Variants in KCNAB1 observed in about 807,000 individuals in gnomAD.
KCNAB1 encodes the protein voltage-gated potassium channel subunit beta-1.
A neutral mutation model predicts 64.6 loss-of-function variants in KCNAB1; 35 were observed. The observed-to-expected ratio is 0.54, with a 90% CI of 0.41 to 0.72. KCNAB1 has a LOEUF of 0.72. Ranked by LOEUF, KCNAB1 falls within the 30% of genes least tolerant of loss-of-function variation. KCNAB1 has a pLI of 0.00. For missense variants in KCNAB1, 401 were observed against 512.9 expected (o/e 0.78, Z 2.11); for synonymous variants, 177 against 183.8 (o/e 0.96, Z 0.30).
chr3:156,476,543 ACACG>A (rs942886006), intron 8 of KCNAB1, among the ~76,000 whole-genome samples: 18 of 145,728 alleles, frequency 1.2e-4, no homozygotes, highest in Admixed American at 4.1e-4. Context: ...ACACACACAC[ACACG>A]CACACACACA....
intron 2 of KCNAB1, among the ~76,000 whole-genome samples, chr3:156,439,506 C>T (rs1716845879): frequency 1.3e-5 from 2 of 152,220 alleles, no homozygotes; most frequent in African/African-American, 4.8e-5. Context: ...CAGCCCTGTC[C>T]TTGCCAAGCG....
chr3:156,283,524 T>C (rs1229937239), intron 1 of KCNAB1, among the ~76,000 whole-genome samples: 8 of 150,844 alleles, frequency 5.3e-5, no homozygotes, highest in African/African-American at 1.2e-4. Flanking sequence ...CCTTGCTAGA[T>C]TGGGGAAGTT....
chr3:156,336,555 T>A (rs77025276), intron 1 of KCNAB1, among the ~76,000 whole-genome samples: 1,692 of 152,334 alleles, frequency 0.011, 38 homozygotes, highest in African/African-American at 0.039. Flanking sequence ...ATGTTCAGAA[T>A]GGCATGGATT....
chr3:156,433,646 T>G (rs948346696), intron 2 of KCNAB1, among the ~76,000 whole-genome samples: 2 of 152,170 alleles, frequency 1.3e-5, no homozygotes, highest in African/African-American at 4.8e-5. Context: ...CCACCTCTTT[T>G]GGGGGAGTAG....
rs149617886 is a variant in KCNAB1, at chr3:156,131,138, G to A, written c.275+10252G>A. 3.3e-4 allele frequency among the ~76,000 whole-genome samples: 51 copies of A among 152,316 alleles called. 1 individual carries two copies. The highest frequency in any genetic ancestry group is 3.4e-3 in the Middle Eastern group (1 of 294). ...TGTAGACTGTGGTTGTCACTGAATGGCATGTGCTAATGTCCTGCCAGGGAT... is the reference window on the plus strand; with the variant it reads ...TGTAGACTGTGGTTGTCACTGAATGACATGTGCTAATGTCCTGCCAGGGAT... On this transcript the variant is annotated intron_variant, in intron 1 of 13. Coordinates refer to ENST00000490337, the MANE Select transcript of KCNAB1 (RefSeq NM_172160.3).
chr3:156,281,212 A>G (rs1276927409), intron 1 of KCNAB1, among the ~76,000 whole-genome samples: 10 of 148,158 alleles, frequency 6.7e-5, no homozygotes, highest in Non-Finnish European at 1.5e-4. Context: ...TTCTGCATCT[A>G]TTGAGATAAT....
rs1718779883 is a variant in KCNAB1, at chr3:156,267,352, C to T, written c.275+146466C>T. On this transcript the variant is annotated intron_variant, in intron 1 of 13. Coordinates refer to ENST00000490337, the MANE Select transcript of KCNAB1 (RefSeq NM_172160.3). ...TCCTCCTGGTCTTCCTGCTTTGAGT[C>T]TTTTACACTCCCTGGCCACCCTATG... 2.0e-5 allele frequency among the ~76,000 whole-genome samples: 3 copies of T among 152,130 alleles called. No homozygotes were observed. In the South Asian group the frequency reaches 6.2e-4, roughly 32 times the overall value.
chr3:156,263,641 A>G (rs1718545355), intron 1 of KCNAB1, among the ~76,000 whole-genome samples: 1 of 152,074 alleles, frequency 6.6e-6, no homozygotes, highest in Non-Finnish European at 1.5e-5. Flanking sequence ...TTCAGAATCC[A>G]CCAGGGATTG....
chr3:156,283,482 C>T (rs1468776112), intron 1 of KCNAB1, among the ~76,000 whole-genome samples: 2 of 148,690 alleles, frequency 1.3e-5, no homozygotes, highest in Admixed American at 6.7e-5. Flanking sequence ...TTGTGGCGTT[C>T]TCTGTATTTC....
intron 8 of KCNAB1, among the ~76,000 whole-genome samples, chr3:156,504,108 C>G (rs2108372759): frequency 6.6e-6 from 1 of 152,266 alleles, no homozygotes; most frequent in Middle Eastern, 3.4e-3. Context: ...CTTTTCTCTG[C>G]TTCTATGAGA....
intron 8 of KCNAB1, among the ~76,000 whole-genome samples, chr3:156,479,289 T>C (rs1048506386): frequency 6.6e-6 from 1 of 152,120 alleles, no homozygotes; most frequent in Non-Finnish European, 1.5e-5. Context: ...CACAAATCCC[T>C]AACCTGTATT....
intron 1 of KCNAB1, among the ~76,000 whole-genome samples, chr3:156,340,104 A>G (rs1723995647): frequency 1.3e-5 from 2 of 152,216 alleles, no homozygotes; most frequent in African/African-American, 4.8e-5. Context: ...TAGTAGCAGA[A>G]GCATTTCTGA....
At chr3:156,346,967 G>A (rs1576755165) in intron 1 of KCNAB1, among the ~76,000 whole-genome samples, 1 of 136,510 alleles carries the variant, frequency 7.3e-6, no homozygotes, top group South Asian at 2.3e-4. Context: ...TACTGAGATA[G>A]TCAAAGAGAT....
At chr3:156,183,792 C>T (rs1365401324) in intron 1 of KCNAB1, among the ~76,000 whole-genome samples, 2 of 152,222 alleles carry the variant, frequency 1.3e-5, no homozygotes, top group South Asian at 2.1e-4. Context: ...CATAATTATA[C>T]ATGCCATCTG....
intron 1 of KCNAB1, among the ~76,000 whole-genome samples, chr3:156,212,628 C>G (rs1415290768): frequency 6.6e-6 from 1 of 152,120 alleles, no homozygotes; most frequent in African/African-American, 2.4e-5. Flanking sequence ...ACTTCTGACT[C>G]CTAGAGTTTA....
At chr3:156,461,249 C>T (rs1400516558) in intron 5 of KCNAB1, among the ~76,000 whole-genome samples, 1 of 152,162 alleles carries the variant, frequency 6.6e-6, no homozygotes, top group Non-Finnish European at 1.5e-5. Context: ...TTTCTGGAGG[C>T]CAGAAATCCA....
intron 1 of KCNAB1, among the ~76,000 whole-genome samples, chr3:156,206,488 G>A (rs1482787380): frequency 6.6e-6 from 1 of 152,192 alleles, no homozygotes; most frequent in Admixed American, 6.5e-5. Flanking sequence ...AGGAGGAAGA[G>A]TTGAGAGAAG....
intron 8 of KCNAB1, among the ~76,000 whole-genome samples, chr3:156,476,992 CATCTTACCCCT>C (rs1714416245): frequency 6.6e-6 from 1 of 152,050 alleles, no homozygotes; most frequent in South Asian, 2.1e-4. Flanking sequence ...ATTTTGTTCC[CATCTTACCCCT>C]ACCTTTAATT....
At chr3:156,187,713 A>G (rs1056311484) in intron 1 of KCNAB1, among the ~76,000 whole-genome samples, 32 of 152,126 alleles carry the variant, frequency 2.1e-4, no homozygotes, top group African/African-American at 7.2e-4. Context: ...GCAAAGCCTG[A>G]TCTCTCTTAT....
Sources: gnomAD v4.1 joint callset for allele counts (sites outside exome capture counted in the v4.1 genomes callset) on GRCh38, gnomAD v4.1.1 for gene constraint, MANE v1.5 for transcripts, NCBI Gene and HGNC (gene_info 2026-07-23, HGNC 2026-07-21) for gene names.